Variants in ARHGEF10 observed in about 807,000 individuals in gnomAD.
ARHGEF10 encodes Rho guanine nucleotide exchange factor 10, also known as Rho guanine nucleotide exchange factor (GEF) 10.
ARHGEF10 carries 140 observed loss-of-function variants against 147.4 expected under a neutral mutation model. The ratio of observed to expected loss-of-function variants is 0.95; its 90% CI spans 0.83 to 1.09. The LOEUF is 1.09. ARHGEF10 is among the 50% of genes least tolerant of loss of function. ARHGEF10 has a pLI of 0.00. For synonymous variants in ARHGEF10, 902 were observed against 695.8 expected (o/e 1.30, Z -4.67); for missense variants, 2,222 against 1,752.7 (o/e 1.27, Z -4.78).
chr8:1,831,741 G>A (rs116962494), intron 1 of ARHGEF10, among the ~76,000 whole-genome samples: 1,662 of 152,350 alleles, frequency 0.011, 23 homozygotes, highest in Non-Finnish European at 0.015. Flanking sequence ...TGTGCGGGTC[G>A]TGCACTGCTC....
chr8:1,844,622 C>T lies in ARHGEF10; in HGVS notation c.37+1186C>T, dbSNP rs375167539. Among the ~76,000 whole-genome samples, 81 of 152,226 alleles carry T rather than the reference C, an allele frequency of 5.3e-4. 2 individuals carry two copies. The East Asian group carries it at 9.1e-3, about 17-fold the overall frequency. On this transcript the variant is annotated intron_variant, in intron 2 of 28. Transcript: ENST00000349830. ...GACCACGGGGTACGGGACCCGGTAC[C>T]GGAAACCCGAGGCCACAGCTCCACT...
chr8:1,842,486 G>A (rs746845083), intron 1 of ARHGEF10, among the ~76,000 whole-genome samples: 18 of 152,314 alleles, frequency 1.2e-4, no homozygotes, highest in South Asian at 8.3e-4. Context: ...GCATGGGCCC[G>A]CCTGGCCTCG....
At chr8:1,923,334 A>G (rs898039320) in intron 19 of ARHGEF10, 134 bp from the exon 20 acceptor site, 6 of 1,372,664 alleles carry the variant, frequency 4.4e-6, no homozygotes, top group Non-Finnish European at 6.1e-6. Context: ...CTGACTCCCA[A>G]AGCTTTCTTT....
chr8:1,916,740 T>C (rs1482331513), intron 18 of ARHGEF10, among the ~76,000 whole-genome samples: 1 of 152,238 alleles, frequency 6.6e-6, no homozygotes, highest in Non-Finnish European at 1.5e-5. Flanking sequence ...GACTAGGGAC[T>C]TATATATGAT....
At chr8:1,945,258 G>A (rs769989093) in intron 26 of ARHGEF10, among the ~76,000 whole-genome samples, 1 of 152,224 alleles carries the variant, frequency 6.6e-6, no homozygotes, top group African/African-American at 2.4e-5. Flanking sequence ...TGTGTCTTTG[G>A]AATGGCCATT....
At chr8:1,859,786 G>A in intron 3 of ARHGEF10, 111 bp from the exon 4 acceptor site, 2 of 1,351,678 alleles carry the variant, frequency 1.5e-6, no homozygotes, top group Admixed American at 1.8e-5. Context: ...AGGGGTCCTG[G>A]CATGGGATGA....
At position 1,957,037 on chromosome 8, in the gene ARHGEF10, G is replaced by T; in HGVS notation, c.3809G>T (p.Ser1270Ile). The T allele has an allele frequency of 6.2e-7, 1 of 1,613,922 alleles. No homozygotes were observed. Among genetic ancestry groups the T allele is most frequent in the Non-Finnish European group, 8.5e-7 (1 of 1,180,038 alleles). Residue 1270 changes from serine to isoleucine, a missense_variant, in exon 29 of 29, where the codon AGC (serine) becomes ATC (isoleucine). Coordinates refer to ENST00000349830, the MANE Select transcript of ARHGEF10 (RefSeq NM_014629.4). ...TCCCTGAGCTTGTCTCACGGCTCCA[G>T]CTCTCTAGAGCACAGATCAGAGGAC... is the stretch of plus-strand genomic sequence containing the variant. ...SGSLSLSHGS[S>I]SLEHRSEDST...
chr8:1,918,141 T>C (rs1441023831), intron 18 of ARHGEF10, among the ~76,000 whole-genome samples: 1 of 152,174 alleles, frequency 6.6e-6, no homozygotes, highest in Non-Finnish European at 1.5e-5. Flanking sequence ...AAACAGTTTT[T>C]CTGAAACTGA....
Position 1,945,633 on chromosome 8 carries a change from C to G in ARHGEF10, c.3375C>G (p.Thr1125=). 6.2e-7 allele frequency: 1 copy of G among 1,614,258 alleles called. No individual in the cohort carries two copies. Among genetic ancestry groups the G allele is most frequent in the East Asian group, 2.2e-5 (1 of 44,876 alleles). Residue 1125 remains threonine (T), a synonymous_variant, in exon 27 of 29, where the codon ACC becomes ACG. Coordinates refer to ENST00000349830, the MANE Select transcript of ARHGEF10 (RefSeq NM_014629.4). ...ACCTGCAGGACATCAACATCGCCAC[C>G]CCTGTTCACAACATGCTGCCAGGTA... ...LKHLQDINIA[T]PVHNMLPGHQ...
At chr8:1,835,073 G>C (rs915028686) in intron 1 of ARHGEF10, among the ~76,000 whole-genome samples, 1 of 152,262 alleles carries the variant, frequency 6.6e-6, no homozygotes, top group Admixed American at 6.5e-5. Flanking sequence ...CCCCCGGCCC[G>C]TGTCTGCCAA....
chr8:1,832,153 G>A (rs1024326222), intron 1 of ARHGEF10, among the ~76,000 whole-genome samples: 1 of 152,202 alleles, frequency 6.6e-6, no homozygotes, highest in Non-Finnish European at 1.5e-5. Flanking sequence ...AGGGGCAGCT[G>A]CAGTCGAATC....
intron 28 of ARHGEF10, among the ~76,000 whole-genome samples, chr8:1,953,546 A>G (rs1585670917): frequency 6.6e-6 from 1 of 152,286 alleles, no homozygotes; most frequent in Non-Finnish European, 1.5e-5. Flanking sequence ...TGGAATCAGG[A>G]TTCCCAATCC....
At chr8:1,907,320 A>G (rs144537942) in intron 17 of ARHGEF10, among the ~76,000 whole-genome samples, 1 of 152,264 alleles carries the variant, frequency 6.6e-6, no homozygotes, top group African/African-American at 2.4e-5. Flanking sequence ...AAGTGGCCCC[A>G]CTGTGGCTGA....
At position 1,898,510 on chromosome 8, in the gene ARHGEF10, C is replaced by G. The variant is rs760134481; in HGVS notation, c.1635C>G (p.Phe545Leu). The change falls in exon 15 of 29, where the codon TTC becomes TTG. Residue 545 changes from phenylalanine (F) to leucine (L), a missense_variant. Transcript: ENST00000349830. The stretch of plus-strand genomic sequence containing the variant: ...AGCCCATCCAGAGGTTCCCACAGTT[C>G]ATCCTCCTGCTCCAGGTAAGTGCTT... The part of the protein sequence containing the change: ...MMKPIQRFPQ[F>L]ILLLQDMLKN... 6.2e-7 allele frequency: 1 copy of G among 1,614,148 alleles called. No individual in the cohort carries two copies. Among genetic ancestry groups the G allele is most frequent in the Non-Finnish European group, 8.5e-7 (1 of 1,179,992 alleles).
At chr8:1,930,422 C>T (rs1245740104) in intron 25 of ARHGEF10, among the ~76,000 whole-genome samples, 1 of 152,166 alleles carries the variant, frequency 6.6e-6, no homozygotes, top group African/African-American at 2.4e-5. Flanking sequence ...TTCATTCTTC[C>T]GCTTCTACTG....
chr8:1,949,018 ATGTGTGTG>A (rs56097916), intron 27 of ARHGEF10, among the ~76,000 whole-genome samples: 3 of 149,958 alleles, frequency 2.0e-5, no homozygotes, highest in Non-Finnish European at 4.4e-5. Flanking sequence ...ATGGGTTTTC[ATGTGTGTG>A]TGTGTGTGTG....
intron 25 of ARHGEF10, among the ~76,000 whole-genome samples, chr8:1,932,314 T>C (rs1028404607): frequency 3.3e-5 from 5 of 152,214 alleles, no homozygotes; most frequent in African/African-American, 1.2e-4. Flanking sequence ...TATGCACATG[T>C]GTGTATGCAC....
At chr8:1,841,072 C>T (rs1383220962) in intron 1 of ARHGEF10, among the ~76,000 whole-genome samples, 4 of 152,348 alleles carry the variant, frequency 2.6e-5, no homozygotes, top group African/African-American at 9.6e-5. Flanking sequence ...GGGGCCTAGG[C>T]TGGGCTCTGG....
chr8:1,835,791 G>A (rs1183238246), intron 1 of ARHGEF10, among the ~76,000 whole-genome samples: 1 of 152,214 alleles, frequency 6.6e-6, no homozygotes. Context: ...CTTATAGAAG[G>A]TGGGGCTGCG....
Sources: allele counts gnomAD v4.1 joint callset (sites outside exome capture counted in the v4.1 genomes callset), GRCh38; gene constraint gnomAD v4.1.1; transcripts MANE v1.5; gene names NCBI Gene and HGNC (gene_info 2026-07-23, HGNC 2026-07-21).